Variants in RAB3C observed in about 807,000 individuals in gnomAD.
RAB3C encodes RAB3C, member RAS oncogene family.
A neutral mutation model predicts 26.4 loss-of-function variants in RAB3C; 17 were observed. The ratio of observed to expected loss-of-function variants is 0.64; its 90% CI spans 0.44 to 0.97. The LOEUF is 0.97. RAB3C is among the 50% of genes least tolerant of loss of function. RAB3C has a pLI of 0.00. For synonymous variants in RAB3C, 91 were observed against 95.9 expected (o/e 0.95, Z 0.30); for missense variants, 242 against 281.9 (o/e 0.86, Z 1.01).
chr5:58,729,763 A>T (rs1263896483), intron 3 of RAB3C, among the ~76,000 whole-genome samples: 2 of 143,376 alleles, frequency 1.4e-5, no homozygotes, highest in Non-Finnish European at 3.0e-5. Flanking sequence ...ATATATATAC[A>T]CATATACATA....
intron 1 of RAB3C, among the ~76,000 whole-genome samples, chr5:58,590,625 C>T (rs891769724): frequency 2.0e-5 from 3 of 152,120 alleles, no homozygotes; most frequent in Non-Finnish European, 4.4e-5. Context: ...TCATTGCAAT[C>T]TCTACCTCCT....
intron 3 of RAB3C, among the ~76,000 whole-genome samples, chr5:58,795,188 T>C (rs1417098911): frequency 2.0e-5 from 3 of 152,168 alleles, no homozygotes; most frequent in Non-Finnish European, 4.4e-5. Flanking sequence ...TAAGATGTGA[T>C]TTTGCTCCTC....
At chr5:58,791,699 A>C (rs1470371760) in intron 3 of RAB3C, among the ~76,000 whole-genome samples, 1 of 152,236 alleles carries the variant, frequency 6.6e-6, no homozygotes, top group East Asian at 1.9e-4. Context: ...TTTATAATAA[A>C]AGAGACTGTA....
At chr5:58,722,704 C>A (rs914064951) in intron 2 of RAB3C, among the ~76,000 whole-genome samples, 2 of 151,770 alleles carry the variant, frequency 1.3e-5, no homozygotes, top group Non-Finnish European at 2.9e-5. Flanking sequence ...TGTTTCACAG[C>A]TGGATATACT....
intron 2 of RAB3C, among the ~76,000 whole-genome samples, chr5:58,656,590 G>T (rs182365345): frequency 9.9e-5 from 15 of 152,106 alleles, no homozygotes; most frequent in African/African-American, 3.6e-4. Flanking sequence ...TTAATATCTC[G>T]CCTCAAATAA....
rs866271147 is a variant in RAB3C at position 58,597,763 on chromosome 5, A to T, written c.24+14531A>T. On this transcript the variant is annotated intron_variant, in intron 1 of 4. Coordinates refer to ENST00000282878, the MANE Select transcript of RAB3C (RefSeq NM_138453.4). The stretch of plus-strand genomic sequence containing the variant: ...CATATAATACATTATATATAAGTAT[A>T]TAACATATAATACATTATATATAAG... Among the ~76,000 whole-genome samples, 237 of 109,448 alleles carry T rather than the reference A, an allele frequency of 2.2e-3. 22 individuals are homozygous for T. Among genetic ancestry groups the T allele is most frequent in the African/African-American group, 9.4e-3 (225 of 23,948 alleles). 71.8% of individuals were successfully genotyped at this position (109,448 alleles called of 152,430 possible). A position where few individuals can be genotyped will look rare whatever the true frequency, so the allele number is the denominator to read the frequency against.
chr5:58,840,030 TTC>T (rs1743843362), intron 4 of RAB3C, among the ~76,000 whole-genome samples: 1 of 151,994 alleles, frequency 6.6e-6, no homozygotes, highest in African/African-American at 2.4e-5. Context: ...ACTTGATGCT[TTC>T]TCTGTCTGCT....
chr5:58,717,811 C>T lies in RAB3C; in HGVS notation c.253-8191C>T, dbSNP rs190671174. On this transcript the variant is annotated intron_variant, in intron 2 of 4. Transcript: ENST00000282878. Reference sequence around the variant, plus strand: ...CTCCCCTTCCTCAACCCTGCTGTCTCTCTCCAGGTATCAAGTACTCTTGCA... The same window carrying T: ...CTCCCCTTCCTCAACCCTGCTGTCTTTCTCCAGGTATCAAGTACTCTTGCA... Among the ~76,000 whole-genome samples the T allele has an allele frequency of 1.1e-4, 16 of 152,184 alleles. No homozygotes were observed. The East Asian group carries it at 3.1e-3, about 29-fold the overall frequency.
At chr5:58,642,488 G>C (rs1747431144) in intron 2 of RAB3C, among the ~76,000 whole-genome samples, 1 of 151,942 alleles carries the variant, frequency 6.6e-6, no homozygotes, top group Non-Finnish European at 1.5e-5. Context: ...TACCTACAAG[G>C]GATTCTATAC....
intron 2 of RAB3C, among the ~76,000 whole-genome samples, chr5:58,714,166 A>G (rs1410054790): frequency 6.6e-6 from 1 of 152,194 alleles, no homozygotes; most frequent in Non-Finnish European, 1.5e-5. Flanking sequence ...ATAGGAAGAC[A>G]TAGCATGGTT....
In RAB3C at chr5:58,704,225, TA is replaced by T. The variant is rs574332683; in HGVS notation, c.253-21772del. ...ACAAATCCTGAAATCAATTTCTTTA[TA>T]AAAACGCATTTTGGTGTGTGAAGAG... On this transcript the variant is annotated intron_variant, in intron 2 of 4. Coordinates refer to ENST00000282878, the MANE Select transcript of RAB3C (RefSeq NM_138453.4). Among the ~76,000 whole-genome samples the T allele has an allele frequency of 3.9e-3, 590 of 152,312 alleles. 1 individual carries two copies. Among genetic ancestry groups the T allele is most frequent in the Non-Finnish European group, 6.7e-3 (453 of 68,014 alleles).
intron 1 of RAB3C, among the ~76,000 whole-genome samples, chr5:58,585,958 T>C (rs1436211560): frequency 6.6e-6 from 1 of 152,022 alleles, no homozygotes; most frequent in African/African-American, 2.4e-5. Context: ...TATACATGAA[T>C]CCTGAAGGCC....
At chr5:58,665,980 T>G (rs1372132988) in intron 2 of RAB3C, among the ~76,000 whole-genome samples, 1 of 152,130 alleles carries the variant, frequency 6.6e-6, no homozygotes, top group Non-Finnish European at 1.5e-5. Context: ...TGAAGGCCAA[T>G]ACACTGCACT....
chr5:58,828,214 T>C (rs1373775490), intron 4 of RAB3C, among the ~76,000 whole-genome samples: 12 of 152,224 alleles, frequency 7.9e-5, no homozygotes, highest in Non-Finnish European at 1.6e-4. Context: ...CAAATAACCC[T>C]ACCTTCTAGG....
chr5:58,686,615 A>G lies in RAB3C; in HGVS notation c.253-39387A>G, dbSNP rs1748448506. Among the ~76,000 whole-genome samples, 6 of 151,724 alleles carry G rather than the reference A, an allele frequency of 4.0e-5. No homozygotes were observed. The Admixed American group carries it at 4.0e-4, about 10-fold the overall frequency. Reference sequence around the variant, plus strand: ...TGCTGTCTGTACTGCCCTTTGTTCTATAGCTGTCTCTAATTCTGATTCTCT... The same window carrying G: ...TGCTGTCTGTACTGCCCTTTGTTCTGTAGCTGTCTCTAATTCTGATTCTCT... On this transcript the variant is annotated intron_variant, in intron 2 of 4. Transcript: ENST00000282878.
chr5:58,841,310 G>A (rs1212002089), intron 4 of RAB3C, among the ~76,000 whole-genome samples: 1 of 152,206 alleles, frequency 6.6e-6, no homozygotes, highest in African/African-American at 2.4e-5. Flanking sequence ...TGAAAGTGTA[G>A]TGACAGGAGT....
intron 3 of RAB3C, among the ~76,000 whole-genome samples, chr5:58,765,052 C>T (rs1741871279): frequency 1.3e-5 from 2 of 152,034 alleles, no homozygotes; most frequent in Admixed American, 1.3e-4. Context: ...TTCTTCAAAA[C>T]TGTCAAGAAA....
At chr5:58,605,094 A>G (rs965974091) in intron 1 of RAB3C, among the ~76,000 whole-genome samples, 3 of 152,144 alleles carry the variant, frequency 2.0e-5, no homozygotes, top group Non-Finnish European at 4.4e-5. Flanking sequence ...CAACTTCTCC[A>G]GTGGGGTGTG....
intron 3 of RAB3C, among the ~76,000 whole-genome samples, chr5:58,771,281 G>A (rs569014293): frequency 1.6e-3 from 238 of 152,038 alleles, no homozygotes; most frequent in Middle Eastern, 6.9e-3. Context: ...ATATAAATAT[G>A]GGTATACATA....
Sources: allele counts gnomAD v4.1 joint callset (sites outside exome capture counted in the v4.1 genomes callset), GRCh38; gene constraint gnomAD v4.1.1; transcripts MANE v1.5; gene names NCBI Gene and HGNC (gene_info 2026-07-23, HGNC 2026-07-21).